RAD51B: variants seen among roughly 807,000 people sequenced by gnomAD.
RAD51B encodes the protein DNA repair protein RAD51 homolog 2.
Under a neutral mutation model 42.2 loss-of-function variants are expected in RAD51B, and 38 were observed. The ratio of observed to expected loss-of-function variants is 0.90; its 90% CI spans 0.70 to 1.18. RAD51B has a LOEUF of 1.18. Ranked by LOEUF, RAD51B falls within the 50% of genes most tolerant of loss-of-function variation. RAD51B has a pLI of 0.00. For synonymous variants in RAD51B, 154 were observed against 145.2 expected, an observed-to-expected ratio of 1.06 and a Z score of -0.43; for missense variants, 373 against 400.7, an observed-to-expected ratio of 0.93 and a Z score of 0.59.
intron 8 of RAD51B, among the ~76,000 whole-genome samples, chr14:68,295,019 A>C (rs2081587215): frequency 6.6e-6 from 1 of 152,212 alleles, no homozygotes; most frequent in Non-Finnish European, 1.5e-5. Context: ...CCATTCTCCC[A>C]ATAGTTTGTG....
chr14:68,414,961 G>A (rs575832009), intron 9 of RAD51B, among the ~76,000 whole-genome samples: 7 of 137,470 alleles, frequency 5.1e-5, no homozygotes, highest in Admixed American at 1.7e-4. Flanking sequence ...GAACCCAGGA[G>A]GCAAAGGTTA....
At chr14:68,580,156 G>A (rs1227756042) in intron 10 of RAD51B, among the ~76,000 whole-genome samples, 3 of 152,194 alleles carry the variant, frequency 2.0e-5, no homozygotes, top group African/African-American at 4.8e-5. Context: ...AACAGGGCCC[G>A]GGCTCCCGGT....
chr14:67,853,062 A>G (rs1202591022), intron 4 of RAD51B, among the ~76,000 whole-genome samples: 1 of 152,230 alleles, frequency 6.6e-6, no homozygotes, highest in Non-Finnish European at 1.5e-5. Flanking sequence ...AGGACTCAGG[A>G]TGCCATTGCT....
chr14:68,280,583 G>T (rs1248775266), intron 7 of RAD51B, among the ~76,000 whole-genome samples: 1 of 152,182 alleles, frequency 6.6e-6, no homozygotes, highest in East Asian at 1.9e-4. Context: ...GTAGGGGTCT[G>T]ACACATAGGA....
intron 10 of RAD51B, chr14:68,497,336 G>A: frequency 5.6e-6 from 7 of 1,252,522 alleles, no homozygotes; most frequent in Non-Finnish European, 6.1e-6. Context: ...TCAAGAACAA[G>A]CCCAACAGTA....
At chr14:67,990,030 G>C (rs959525200) in intron 7 of RAD51B, among the ~76,000 whole-genome samples, 1 of 125,742 alleles carries the variant, frequency 8.0e-6, no homozygotes, top group Non-Finnish European at 1.6e-5. Flanking sequence ...GCAGAGTCTC[G>C]TTCTGTCACC....
intron 8 of RAD51B, among the ~76,000 whole-genome samples, chr14:68,297,761 G>A (rs1353453050): frequency 6.6e-6 from 1 of 152,132 alleles, no homozygotes; most frequent in African/African-American, 2.4e-5. Flanking sequence ...TTAAAATGAT[G>A]AATTTCTTAA....
intron 8 of RAD51B, among the ~76,000 whole-genome samples, chr14:68,365,485 C>T (rs2083123455): frequency 6.6e-6 from 1 of 152,228 alleles, no homozygotes; most frequent in South Asian, 2.1e-4. Context: ...ATCATACAAT[C>T]TAGATATTTC....
At chr14:68,585,886 G>A (rs1048111968) in intron 10 of RAD51B, among the ~76,000 whole-genome samples, 1 of 152,108 alleles carries the variant, frequency 6.6e-6, no homozygotes, top group Non-Finnish European at 1.5e-5. Flanking sequence ...GAGCTGCAGA[G>A]GGGGGAGACA....
intron 7 of RAD51B, among the ~76,000 whole-genome samples, chr14:68,087,829 A>ATAT (rs34164772): frequency 0.25 from 33,557 of 134,140 alleles, 5,686 homozygotes; most frequent in African/African-American, 0.47. Flanking sequence ...ATATTTTTAA[A>ATAT]TATTTAATTA....
intron 8 of RAD51B, among the ~76,000 whole-genome samples, chr14:68,365,758 GTCTTT>G (rs1222129674): frequency 6.6e-6 from 1 of 152,076 alleles, no homozygotes; most frequent in Non-Finnish European, 1.5e-5. Context: ...TTTTTAACCT[GTCTTT>G]TCTTTTTTTA....
intron 7 of RAD51B, among the ~76,000 whole-genome samples, chr14:68,278,444 G>T (rs771747327): frequency 1.3e-5 from 2 of 152,178 alleles, no homozygotes; most frequent in Admixed American, 6.5e-5. Flanking sequence ...ATGAAAGGAG[G>T]TCTGTAACTA....
chr14:68,226,657 G>C (rs1239504733), intron 7 of RAD51B, among the ~76,000 whole-genome samples: 1 of 152,168 alleles, frequency 6.6e-6, no homozygotes, highest in Non-Finnish European at 1.5e-5. Context: ...CAGCCATGTG[G>C]AACTGCAGGT....
At chr14:68,416,745 C>A (rs1430402074) in intron 9 of RAD51B, among the ~76,000 whole-genome samples, 1 of 152,160 alleles carries the variant, frequency 6.6e-6, no homozygotes, top group Non-Finnish European at 1.5e-5. Flanking sequence ...CTGCTGTAGT[C>A]TATGGGAGGA....
chr14:68,442,504 G>A (rs1006961814), intron 9 of RAD51B, among the ~76,000 whole-genome samples: 4 of 140,432 alleles, frequency 2.8e-5, no homozygotes, highest in African/African-American at 5.4e-5. Context: ...GCAGTGGCGC[G>A]ATTTCAGCTC....
intron 7 of RAD51B, among the ~76,000 whole-genome samples, chr14:67,967,314 C>G (rs2074800362): frequency 6.6e-6 from 1 of 152,042 alleles, no homozygotes; most frequent in Non-Finnish European, 1.5e-5. Flanking sequence ...AGCCTCTGGC[C>G]CCCTCAAATC....
chr14:68,014,418 A>G (rs994093967), intron 7 of RAD51B, among the ~76,000 whole-genome samples: 3 of 152,082 alleles, frequency 2.0e-5, no homozygotes, highest in Non-Finnish European at 2.9e-5. Flanking sequence ...ACCCTGGTAC[A>G]TTTGTGACAC....
chr14:67,885,544 TA>T (rs1441755043), intron 5 of RAD51B, among the ~76,000 whole-genome samples: 1 of 152,208 alleles, frequency 6.6e-6, no homozygotes, highest in African/African-American at 2.4e-5. Context: ...TCTTATTTAG[TA>T]AACATATCTT....
chr14:68,671,420 C>T (rs2140154777), intron 11 of RAD51B, among the ~76,000 whole-genome samples: 1 of 152,232 alleles, frequency 6.6e-6, no homozygotes, highest in South Asian at 2.1e-4. Context: ...GTGGATTCAC[C>T]TTGGCCAGAC....
Sources: allele counts gnomAD v4.1 joint callset (sites outside exome capture counted in the v4.1 genomes callset), GRCh38; gene constraint gnomAD v4.1.1; transcripts MANE v1.5; gene names NCBI Gene and HGNC (gene_info 2026-07-23, HGNC 2026-07-21).